Variants in SPSB4 observed in about 807,000 individuals in gnomAD.
SPSB4 encodes splA/ryanodine receptor domain and SOCS box containing 4, also known as SPRY domain-containing SOCS box protein 4.
Under a neutral mutation model 20.9 loss-of-function variants are expected in SPSB4, and 21 were observed. The observed-to-expected ratio is 1.01, with a 90% CI of 0.71 to 1.45. SPSB4 has a LOEUF of 1.45. SPSB4 is among the 40% of genes most tolerant of loss of function. The probability of loss-of-function intolerance (pLI) is 0.00; values close to 1 mark genes in which losing one functional copy is unlikely to be tolerated. For missense variants in SPSB4, 399 were observed against 399.2 expected, an observed-to-expected ratio of 1.00 and a Z score of 0.00; for synonymous variants, 207 against 183.8, an observed-to-expected ratio of 1.13 and a Z score of -1.02.
At chr3:141,114,766 T>C (rs1938858758) in intron 2 of SPSB4, among the ~76,000 whole-genome samples, 2 of 152,276 alleles carry the variant, frequency 1.3e-5, no homozygotes, top group Non-Finnish European at 1.5e-5. Context: ...ATTTTCTCTA[T>C]CATTTTTCTC....
chr3:141,140,262 C>A (rs1270444360), intron 2 of SPSB4, among the ~76,000 whole-genome samples: 1 of 152,078 alleles, frequency 6.6e-6, no homozygotes, highest in African/African-American at 2.4e-5. Flanking sequence ...TTTTTAACTT[C>A]TTTGCCATTG....
chr3:141,143,169 A>G (rs1269980171), intron 2 of SPSB4, among the ~76,000 whole-genome samples: 1 of 152,086 alleles, frequency 6.6e-6, no homozygotes, highest in Admixed American at 6.5e-5. Flanking sequence ...TGTCTGTTAT[A>G]AGAATCGCTA....
At chr3:141,056,688 A>G (rs1937644206) in intron 1 of SPSB4, among the ~76,000 whole-genome samples, 1 of 152,264 alleles carries the variant, frequency 6.6e-6, no homozygotes, top group South Asian at 2.1e-4. Flanking sequence ...GGCTTCATTA[A>G]ATGGTACCCT....
intron 2 of SPSB4, among the ~76,000 whole-genome samples, chr3:141,096,274 A>C (rs1182004392): frequency 3.3e-5 from 5 of 152,174 alleles, no homozygotes; most frequent in African/African-American, 1.2e-4. Flanking sequence ...TGACCAAAGG[A>C]GGTACATGAC....
At chr3:141,099,456 G>A (rs150857850) in intron 2 of SPSB4, among the ~76,000 whole-genome samples, 2 of 152,286 alleles carry the variant, frequency 1.3e-5, no homozygotes, top group Non-Finnish European at 2.9e-5. Context: ...TTGCTTATAA[G>A]TAATATTGCA....
At chr3:141,133,543 G>T (rs1270793394) in intron 2 of SPSB4, among the ~76,000 whole-genome samples, 1 of 152,156 alleles carries the variant, frequency 6.6e-6, no homozygotes, top group Non-Finnish European at 1.5e-5. Context: ...TTGTTGAATA[G>T]GTTGTCCTTT....
At chr3:141,124,973 A>G (rs1162713608) in intron 2 of SPSB4, among the ~76,000 whole-genome samples, 3 of 152,170 alleles carry the variant, frequency 2.0e-5, no homozygotes, top group Non-Finnish European at 4.4e-5. Context: ...TAGCCAGGCT[A>G]ACGAGGGTCC....
chr3:141,065,042 T>C (rs902473551), intron 1 of SPSB4, among the ~76,000 whole-genome samples: 81 of 152,326 alleles, frequency 5.3e-4, no homozygotes, highest in African/African-American at 1.9e-3. Flanking sequence ...CTTTATATTA[T>C]GGTCTCTCAA....
intron 2 of SPSB4, among the ~76,000 whole-genome samples, chr3:141,138,315 T>G (rs982441538): frequency 5.9e-5 from 9 of 152,202 alleles, no homozygotes; most frequent in Non-Finnish European, 7.3e-5. Context: ...TTTGAAGGGT[T>G]TTTTGTGTCT....
chr3:141,072,821 G>C (rs72980158), intron 2 of SPSB4, among the ~76,000 whole-genome samples: 20,319 of 152,118 alleles, frequency 0.13, 4,211 homozygotes, highest in African/African-American at 0.45. Context: ...CCCCCCATCC[G>C]CTCCTGCTGG....
At chr3:141,056,390 C>G (rs983773986) in intron 1 of SPSB4, among the ~76,000 whole-genome samples, 2 of 152,200 alleles carry the variant, frequency 1.3e-5, no homozygotes, top group Non-Finnish European at 2.9e-5. Context: ...GCTCCCTCCC[C>G]GATCCTGCTC....
chr3:141,093,264 A>C (rs1199281483), intron 2 of SPSB4, among the ~76,000 whole-genome samples: 2 of 151,420 alleles, frequency 1.3e-5, no homozygotes, highest in Non-Finnish European at 2.9e-5. Flanking sequence ...ATGCCAGCTG[A>C]ATATGATGAC....
chr3:141,086,312 G>C (rs1938336371), intron 2 of SPSB4, among the ~76,000 whole-genome samples: 1 of 152,166 alleles, frequency 6.6e-6, no homozygotes, highest in Admixed American at 6.5e-5. Context: ...AGACACAGAG[G>C]GTAGCAATTA....
intron 2 of SPSB4, among the ~76,000 whole-genome samples, chr3:141,069,488 T>C (rs1488623260): frequency 6.6e-6 from 1 of 152,082 alleles, no homozygotes; most frequent in Non-Finnish European, 1.5e-5. Flanking sequence ...TGGTGGCAGG[T>C]CCCCAAACTC....
intron 2 of SPSB4, among the ~76,000 whole-genome samples, chr3:141,079,272 A>G (rs1437556000): frequency 6.6e-6 from 1 of 151,850 alleles, no homozygotes; most frequent in Non-Finnish European, 1.5e-5. Flanking sequence ...CTCAAAAAAA[A>G]AAAAAAGAAA....
At chr3:141,137,366 A>C (rs1939247562) in intron 2 of SPSB4, among the ~76,000 whole-genome samples, 1 of 152,128 alleles carries the variant, frequency 6.6e-6, no homozygotes, top group Admixed American at 6.5e-5. Context: ...AACTTCCAAC[A>C]CTATGTTGAA....
intron 2 of SPSB4, among the ~76,000 whole-genome samples, chr3:141,118,551 A>T (rs1441507155): frequency 6.6e-6 from 1 of 152,192 alleles, no homozygotes; most frequent in Non-Finnish European, 1.5e-5. Flanking sequence ...TGTTTTAGTC[A>T]TGAAGTCTTT....
At chr3:141,109,540 G>A (rs1012205052) in intron 2 of SPSB4, among the ~76,000 whole-genome samples, 3 of 152,122 alleles carry the variant, frequency 2.0e-5, no homozygotes. Flanking sequence ...TCAGCTGGGT[G>A]AGGCTGCCAT....
intron 2 of SPSB4, among the ~76,000 whole-genome samples, chr3:141,079,152 T>C (rs950013218): frequency 2.6e-5 from 4 of 152,022 alleles, no homozygotes; most frequent in African/African-American, 9.7e-5. Flanking sequence ...TCCCAGCTAC[T>C]TGGGAGGCTG....
Sources: allele counts gnomAD v4.1 joint callset (sites outside exome capture counted in the v4.1 genomes callset), GRCh38; gene constraint gnomAD v4.1.1; transcripts MANE v1.5; gene names NCBI Gene and HGNC (gene_info 2026-07-23, HGNC 2026-07-21).